NMUR2: variants seen among roughly 807,000 people sequenced by gnomAD.
NMUR2 encodes neuromedin U receptor 2, also known as neuromedin-U receptor 2.
A neutral mutation model predicts 25.1 loss-of-function variants in NMUR2; 24 were observed. The ratio of observed to expected loss-of-function variants is 0.96; its 90% CI spans 0.69 to 1.34. NMUR2 has a LOEUF of 1.34. NMUR2 is among the 40% of genes most tolerant of loss of function. The pLI is 0.00. For missense variants in NMUR2, 533 were observed against 512.8 expected, an observed-to-expected ratio of 1.04 and a Z score of -0.38; for synonymous variants, 218 against 208.1, an observed-to-expected ratio of 1.05 and a Z score of -0.41.
intron 2 of NMUR2, among the ~76,000 whole-genome samples, chr5:152,396,557 C>CT: frequency 6.6e-6 from 1 of 151,982 alleles, no homozygotes; most frequent in Non-Finnish European, 1.5e-5. Flanking sequence ...TTTGCCAACC[C>CT]AAGAAAAGTC....
intron 3 of NMUR2, among the ~76,000 whole-genome samples, chr5:152,395,236 G>C (rs535935631): frequency 9.2e-5 from 14 of 152,254 alleles, no homozygotes; most frequent in African/African-American, 3.4e-4. Context: ...AGTTAGACTT[G>C]AGGTTTTCCA....
intron 1 of NMUR2, among the ~76,000 whole-genome samples, chr5:152,403,727 T>A (rs549319271): frequency 8.1e-5 from 12 of 147,490 alleles, no homozygotes; most frequent in African/African-American, 3.0e-4. Flanking sequence ...AACTATATAT[T>A]ATATATATGA....
chr5:152,395,475 G>A lies in NMUR2; in HGVS notation c.921C>T (p.Leu307=), dbSNP rs543652529. 1.3e-4 allele frequency: 202 copies of A among 1,613,486 alleles called. 2 individuals carry two copies. In the South Asian group the frequency reaches 1.4e-3, roughly 11 times the overall value. Residue 307 remains leucine (L), a synonymous_variant, in exon 3 of 4, where the codon CTC becomes CTT. Transcript: ENST00000255262. ...AGGTTTTACCTGACACCACATGGACGAGGTTGAACACAGCAGCCAGGGATT... is the reference window on the plus strand; with the variant it reads ...AGGTTTTACCTGACACCACATGGACAAGGTTGAACACAGCAGCCAGGGATT... The part of the protein sequence containing the change: ...WSESLAAVFN[L]VHVVSGVFFY...
chr5:152,397,909 C>T (rs562333109), intron 2 of NMUR2, 151 bp downstream of exon 2: 67 of 572,418 alleles, frequency 1.2e-4, no homozygotes, highest in African/African-American at 1.2e-3. Flanking sequence ...TTATATATCT[C>T]TCCCCTTTGC....
Position 152,405,139 on chromosome 5 carries a change from T to C in NMUR2, c.-26A>G. On this transcript the variant is annotated 5_prime_UTR_variant, in exon 1 of 4. Coordinates refer to ENST00000255262, the MANE Select transcript of NMUR2 (RefSeq NM_020167.5). ...TAAAATCCAAGGCCTGAGCCTCCCCTGGTACGAGGCTCTGTTTCAAGCTGA... is the reference window on the plus strand; with the variant it reads ...TAAAATCCAAGGCCTGAGCCTCCCCCGGTACGAGGCTCTGTTTCAAGCTGA... 3 of 1,546,740 alleles carry C rather than the reference T, an allele frequency of 1.9e-6. No homozygotes were observed. The highest frequency in any genetic ancestry group is 2.6e-6 in the Non-Finnish European group (3 of 1,146,870).
At chr5:152,401,532 A>G (rs1753254263) in intron 1 of NMUR2, among the ~76,000 whole-genome samples, 1 of 152,180 alleles carries the variant, frequency 6.6e-6, no homozygotes, top group African/African-American at 2.4e-5. Flanking sequence ...TCTTAACACA[A>G]TCTATTTACT....
rs551275566 is a variant in NMUR2, at chr5:152,392,465, A to G, written c.974T>C (p.Ile325Thr). 4.6e-5 allele frequency: 74 copies of G among 1,613,888 alleles called. 2 individuals are homozygous for G. The South Asian group carries it at 8.0e-4, about 17-fold the overall frequency. Reference protein sequence around the residue: ...FFYLSSAVNPIIYNLLSRRFQ... With the variant: ...FFYLSSAVNPTIYNLLSRRFQ... ...GCGGCGAGACAGTAGGTTATAGATA[A>G]TGGGGTTGACAGCTGAGCTCAGGTA... Residue 325 changes from isoleucine (I) to threonine (T), a missense_variant, in exon 4 of 4, where the codon ATT (isoleucine) becomes ACT (threonine). Transcript: ENST00000255262.
At chr5:152,396,390 G>A (rs1040288044) in intron 2 of NMUR2, among the ~76,000 whole-genome samples, 5 of 151,940 alleles carry the variant, frequency 3.3e-5, no homozygotes, top group African/African-American at 1.2e-4. Context: ...TGGGTACATG[G>A]GTATTCATTT....
intron 1 of NMUR2, among the ~76,000 whole-genome samples, chr5:152,402,756 A>G (rs1272407922): frequency 6.6e-6 from 1 of 152,162 alleles, no homozygotes; most frequent in East Asian, 1.9e-4. Flanking sequence ...CCCCGCAGTG[A>G]GATGTGCAGG....
intron 1 of NMUR2, among the ~76,000 whole-genome samples, chr5:152,398,879 A>T (rs140828292): frequency 1.5e-3 from 227 of 152,298 alleles, no homozygotes; most frequent in African/African-American, 5.3e-3. Flanking sequence ...CTGAGTTAAG[A>T]TGTTTAAAGT....
Position 152,404,697 on chromosome 5 carries a change from G to A in NMUR2, c.417C>T (p.Thr139=), listed in dbSNP as rs141825293. 9.6e-5 allele frequency: 155 copies of A among 1,614,000 alleles called. No individual in the cohort carries two copies. Among genetic ancestry groups the A allele is most frequent in the African/African-American group, 8.7e-4 (65 of 74,924 alleles). Reference sequence around the variant, plus strand: ...TGGCCACGTAGCGCTCCACGCTGACGGTGGTGATGCTGAGGATGGAGGCGA... The same window carrying A: ...TGGCCACGTAGCGCTCCACGCTGACAGTGGTGATGCTGAGGATGGAGGCGA... ...VCFASILSIT[T]VSVERYVAIL... Residue 139 remains threonine, a synonymous_variant, in exon 1 of 4, where the codon ACC becomes ACT. Transcript: ENST00000255262.
Position 152,405,046 on chromosome 5 carries a change from T to C in NMUR2, c.68A>G (p.Gln23Arg). 1 of 1,614,016 alleles carries C rather than the reference T, an allele frequency of 6.2e-7. No individual in the cohort carries two copies. The highest frequency in any genetic ancestry group is 8.5e-7 in the Non-Finnish European group (1 of 1,179,998). ...IYQQKLEDPFQKHLNSTEEYL... is the reference protein window; with the variant it reads ...IYQQKLEDPFRKHLNSTEEYL... The stretch of plus-strand genomic sequence containing the variant: ...CTCCTCGGTGCTGTTCAGGTGTTTC[T>C]GGAATGGATCTTCTAGTTTCTGCTG... The change falls in exon 1 of 4, where the codon CAG becomes CGG. Residue 23 changes from glutamine (Q) to arginine (R), a missense_variant. Coordinates refer to ENST00000255262, the MANE Select transcript of NMUR2 (RefSeq NM_020167.5).
intron 3 of NMUR2, among the ~76,000 whole-genome samples, chr5:152,394,834 G>A (rs966733487): frequency 2.2e-5 from 3 of 137,466 alleles, no homozygotes; most frequent in Non-Finnish European, 4.6e-5. Flanking sequence ...CATGGTTTGT[G>A]TACAGGAGGC....
At chr5:152,396,317 G>C (rs1423072595) in intron 2 of NMUR2, among the ~76,000 whole-genome samples, 1 of 152,064 alleles carries the variant, frequency 6.6e-6, no homozygotes, top group Non-Finnish European at 1.5e-5. Context: ...GGGGCTAGGG[G>C]AGAGATAAGG....
chr5:152,394,571 G>A (rs1753116520), intron 3 of NMUR2, among the ~76,000 whole-genome samples: 1 of 152,170 alleles, frequency 6.6e-6, no homozygotes, highest in South Asian at 2.1e-4. Flanking sequence ...GAAGAAACTA[G>A]GTGGTCATTC....
chr5:152,392,397 G>C lies in NMUR2; in HGVS notation c.1042C>G (p.Gln348Glu), dbSNP rs772422622. Residue 348 changes from glutamine (Q) to glutamate (E), a missense_variant, in exon 4 of 4, where the codon CAG becomes GAG. Transcript: ENST00000255262. ...FQNVISSFHKQWHSQHDPQLP... is the reference protein window; with the variant it reads ...FQNVISSFHKEWHSQHDPQLP... ...TGTGGGTCATGCTGGGAGTGCCACT[G>C]TTTGTGGAAAGAAGAGATCACATTC... 1.9e-6 allele frequency: 3 copies of C among 1,613,950 alleles called. No homozygotes were observed. In the African/African-American group the frequency reaches 4.0e-5, roughly 22 times the overall value.
At position 152,405,202 on chromosome 5, in the gene NMUR2, A is replaced by C; in HGVS notation, c.-89T>G. On this transcript the variant is annotated 5_prime_UTR_variant, in exon 1 of 4. Transcript: ENST00000255262. ...AAAAAAAAAAGAAAAAAGGAAAACA[A>C]AAAAGAGAAAGCAGTCACGAAAGTC... 1 of 1,443,432 alleles carries C rather than the reference A, an allele frequency of 6.9e-7. No homozygotes were observed. The highest frequency in any genetic ancestry group is 9.3e-7 in the Non-Finnish European group (1 of 1,078,714). 89.4% of individuals were successfully genotyped at this position (1,443,432 alleles called of 1,614,324 possible). A position where few individuals can be genotyped will look rare whatever the true frequency, so the allele number is the denominator to read the frequency against.
At chr5:152,396,188 C>T (rs545069948) in intron 2 of NMUR2, among the ~76,000 whole-genome samples, 1 of 143,584 alleles carries the variant, frequency 7.0e-6, no homozygotes, top group East Asian at 2.0e-4. Flanking sequence ...ATTTAAGCTC[C>T]ACAAATTAAA....
At chr5:152,398,648 G>A (rs75087926) in intron 1 of NMUR2, among the ~76,000 whole-genome samples, 1,806 of 152,132 alleles carry the variant, frequency 0.012, 36 homozygotes, top group African/African-American at 0.042. Flanking sequence ...AATTTTCAAG[G>A]GGGATAGTGT....
Sources: gnomAD v4.1 joint callset for allele counts (sites outside exome capture counted in the v4.1 genomes callset) on GRCh38, gnomAD v4.1.1 for gene constraint, MANE v1.5 for transcripts, NCBI Gene and HGNC (gene_info 2026-07-23, HGNC 2026-07-21) for gene names.